GEN1: variants seen among roughly 807,000 people sequenced by gnomAD.
GEN1 encodes flap endonuclease GEN homolog 1.
In GEN1, 64 loss-of-function variants were observed where a neutral mutation model predicts 67.6. The ratio of observed to expected loss-of-function variants is 0.95; its 90% confidence interval spans 0.77 to 1.17. The LOEUF is 1.17. Among genes scored for constraint, GEN1 ranks in the 50% most tolerant of loss-of-function variants. The probability of loss-of-function intolerance (pLI) is 0.00; values close to 1 mark genes in which losing one functional copy is unlikely to be tolerated. For missense variants in GEN1, 1,058 were observed against 1,048.3 expected (o/e 1.01, Z -0.13); for synonymous variants, 371 against 359.4 (o/e 1.03, Z -0.37).
At chr2:17,760,503 A>G (rs1385391519) in intron 2 of GEN1, among the ~76,000 whole-genome samples, 1 of 152,136 alleles carries the variant, frequency 6.6e-6, no homozygotes, top group South Asian at 2.1e-4. Flanking sequence ...GTCTATGCCA[A>G]CCTCATCTCT....
At chr2:17,771,902 G>A (rs1288393968) in intron 7 of GEN1, among the ~76,000 whole-genome samples, 1 of 151,706 alleles carries the variant, frequency 6.6e-6, no homozygotes. Flanking sequence ...GCTATATCTA[G>A]TTGTCTTAAT....
At chr2:17,771,326 C>G (rs1365239682) in intron 7 of GEN1, 39 bp downstream of exon 7, 1 of 1,165,064 alleles carries the variant, frequency 8.6e-7, no homozygotes, top group Non-Finnish European at 1.3e-6. Flanking sequence ...TATCTCATAC[C>G]CATGTTTTAA....
Position 17,781,164 on chromosome 2 carries a change from C to T in GEN1, c.1952C>T (p.Ser651Phe). Residue 651 changes from serine (S) to phenylalanine (F), a missense_variant, in exon 14 of 14, where the codon TCT (serine) becomes TTT (phenylalanine). Physicochemically the swap from Ser to Phe is radical, Grantham distance 155. Coordinates refer to ENST00000381254, the MANE Select transcript of GEN1 (RefSeq NM_001130009.3). Reference sequence around the variant, plus strand: ...ATAAAGAAAGTGTTGGATGAGGATTCTGATGGGATTAGTCCTGAAGAGCAT... The same window carrying T: ...ATAAAGAAAGTGTTGGATGAGGATTTTGATGGGATTAGTCCTGAAGAGCAT... ...ANIKKVLDED[S>F]DGISPEEHLL... is the part of the protein sequence containing the mutation. 6.2e-7 allele frequency: 1 copy of T among 1,613,892 alleles called. No individual in the cohort carries two copies. The highest frequency in any genetic ancestry group is 8.5e-7 in the Non-Finnish European group (1 of 1,179,866).
Position 17,778,435 on chromosome 2 carries a change from T to C in GEN1, c.1264+372T>C, listed in dbSNP as rs868060887. Among the ~76,000 whole-genome samples the C allele has an allele frequency of 5.5e-5, 4 of 72,270 alleles. 2 individuals carry two copies. Among genetic ancestry groups the C allele is most frequent in the African/African-American group, 1.1e-4 (2 of 18,228 alleles). The allele number at this position is 72,270 out of a possible 152,430, so 47.4% of individuals were successfully genotyped here. On this transcript the variant is annotated intron_variant, in intron 12 of 13. Transcript: ENST00000381254. ...ATATATGTGTGTACATATATGTATATACACACACATATATGTGTGTACATA... is the reference window on the plus strand; with the variant it reads ...ATATATGTGTGTACATATATGTATACACACACACATATATGTGTGTACATA...
intron 7 of GEN1, among the ~76,000 whole-genome samples, chr2:17,772,172 C>T (rs1243070859): frequency 1.3e-5 from 2 of 152,136 alleles, no homozygotes; most frequent in African/African-American, 4.8e-5. Flanking sequence ...ATAACTGTAA[C>T]TGAGAGCTAG....
chr2:17,778,293 T>TGTGTACATATATGTATATACACACAC lies in GEN1; in HGVS notation c.1264+234_1264+235insACATATATGTATATACACACACGTGT, dbSNP rs1558409158. ...ACATATATGTATATACACACACATGTGTGTGTACATATATGTATATACACA... is the reference window on the plus strand; with the variant it reads ...ACATATATGTATATACACACACATGTGTGTACATATATGTATATACACACACGTGTGTACATATATGTATATACACA... On this transcript the variant is annotated intron_variant, in intron 12 of 13. Coordinates refer to ENST00000381254, the MANE Select transcript of GEN1 (RefSeq NM_001130009.3). Among the ~76,000 whole-genome samples the TGTGTACATATATGTATATACACACAC allele has an allele frequency of 2.8e-4, 34 of 122,790 alleles. 8 individuals carry two copies. Among genetic ancestry groups the TGTGTACATATATGTATATACACACAC allele is most frequent in the African/African-American group, 1.1e-3 (34 of 29,794 alleles). The allele number at this position is 122,790 out of a possible 152,430, so 80.6% of individuals were successfully genotyped here. A position where few individuals can be genotyped will look rare whatever the true frequency, so the allele number is the denominator to read the frequency against.
chr2:17,760,229 A>C, intron 2 of GEN1, 125 bp downstream of exon 2: 1 of 880,846 alleles, frequency 1.1e-6, no homozygotes, highest in Non-Finnish European at 1.7e-6. Flanking sequence ...TTTAAGATCT[A>C]TTTAACATGT....
rs1672806030 is a variant in GEN1 at position 17,781,064 on chromosome 2, C to CT, written c.1853dup (p.Ser619IlefsTer5). 1 of 1,613,572 alleles carries CT rather than the reference C, an allele frequency of 6.2e-7. No homozygotes were observed. ...TTTAAAATCAGAAGTTGAATCAGAG[C>CT]TATCAGCCATCCCTGATGGCTTTGA... On this transcript the variant is annotated frameshift_variant, in exon 14 of 14. Coordinates refer to ENST00000381254, the MANE Select transcript of GEN1 (RefSeq NM_001130009.3). LOFTEE classifies it low-confidence loss of function (END_TRUNC).
intron 6 of GEN1, among the ~76,000 whole-genome samples, chr2:17,769,766 A>G (rs1391641929): frequency 6.6e-6 from 1 of 152,212 alleles, no homozygotes; most frequent in Non-Finnish European, 1.5e-5. Flanking sequence ...TCAAAAACAC[A>G]TGAATTATAT....
Position 17,781,151 on chromosome 2 carries a change from T to G in GEN1, c.1939T>G (p.Leu647Val). 6.2e-7 allele frequency: 1 copy of G among 1,613,946 alleles called. No homozygotes were observed. The highest frequency in any genetic ancestry group is 8.5e-7 in the Non-Finnish European group (1 of 1,179,900). The change falls in exon 14 of 14, where the codon TTG becomes GTG. Residue 647 changes from leucine to valine, a missense_variant. By Grantham distance (32) the Leu-to-Val change is conservative. Coordinates refer to ENST00000381254, the MANE Select transcript of GEN1 (RefSeq NM_001130009.3). ...GTACACTGCAAACATAAAGAAAGTG[T>G]TGGATGAGGATTCTGATGGGATTAG... ...ERYTANIKKVLDEDSDGISPE... is the reference protein window; with the variant it reads ...ERYTANIKKVVDEDSDGISPE...
Position 17,778,255 on chromosome 2 carries a change from CACATATGTGTGTACATATATGTATAT to C in GEN1, c.1264+196_1264+221del, listed in dbSNP as rs1558408924. On this transcript the variant is annotated intron_variant, in intron 12 of 13. Transcript: ENST00000381254. ...ATATGTGTGTACATATATGTATACA[CACATATGTGTGTACATATATGTATAT>C]ACACACACATGTGTGTGTACATATA... Among the ~76,000 whole-genome samples the C allele has an allele frequency of 7.3e-5, 9 of 122,526 alleles. 2 individuals carry two copies. The highest frequency in any genetic ancestry group is 2.9e-4 in the African/African-American group (9 of 30,772). The allele number at this position is 122,526 out of a possible 152,430, so 80.4% of individuals were successfully genotyped here.
chr2:17,781,511 A>G lies in GEN1; in HGVS notation c.2299A>G (p.Asn767Asp). The G allele has an allele frequency of 6.2e-7, 1 of 1,613,712 alleles. No individual in the cohort carries two copies. Among genetic ancestry groups the G allele is most frequent in the Non-Finnish European group, 8.5e-7 (1 of 1,179,966 alleles). Reference sequence around the variant, plus strand: ...CAGTAACACAGTGGTAAAGACCTGCAATGTTAGACCACCAAATACTGCTTT... The same window carrying G: ...CAGTAACACAGTGGTAAAGACCTGCGATGTTAGACCACCAAATACTGCTTT... Reference protein sequence around the residue: ...SVSNTVVKTCNVRPPNTALDH... With the variant: ...SVSNTVVKTCDVRPPNTALDH... Residue 767 changes from asparagine to aspartate, a missense_variant, in exon 14 of 14, where the codon AAT becomes GAT. Transcript: ENST00000381254.
rs199991451 is a variant in GEN1, at chr2:17,771,272, G to T, written c.787G>T (p.Val263Leu). 1.3e-6 allele frequency: 2 copies of T among 1,597,358 alleles called. No individual in the cohort carries two copies. The highest frequency in any genetic ancestry group is 8.6e-7 in the Non-Finnish European group (1 of 1,165,254). ...CACTAAAAAACTGGCTCATTGTTCCGTATGTTCCCATCCAGGTAAGGAGAC... is the reference window on the plus strand; with the variant it reads ...CACTAAAAAACTGGCTCATTGTTCCTTATGTTCCCATCCAGGTAAGGAGAC... ...LVTKKLAHCSVCSHPGSPKDH... is the reference protein window; with the variant it reads ...LVTKKLAHCSLCSHPGSPKDH... The change falls in exon 7 of 14, where the codon GTA becomes TTA. Residue 263 changes from valine (V) to leucine (L), a missense_variant. Val to Leu is a conservative substitution (Grantham distance 32). Transcript: ENST00000381254.
chr2:17,764,877 C>G lies in GEN1; in HGVS notation c.349-20C>G. On this transcript the variant is annotated intron_variant, in intron 3 of 13. Coordinates refer to ENST00000381254, the MANE Select transcript of GEN1 (RefSeq NM_001130009.3). ...AGTGAAAACATTCTTTAACATCTTG[C>G]ACCTGCTTTTTGTTTTCAGTGCCTC... 6.2e-7 allele frequency: 1 copy of G among 1,605,092 alleles called. No homozygotes were observed. Among genetic ancestry groups the G allele is most frequent in the South Asian group, 1.1e-5 (1 of 89,732 alleles).
chr2:17,768,906 G>T, intron 6 of GEN1, 95 bp downstream of exon 6: 1 of 662,354 alleles, frequency 1.5e-6, no homozygotes, highest in Non-Finnish European at 2.5e-6. Context: ...TCCAAAAAAG[G>T]GTTTTGTATT....
rs1266096407 is a variant in GEN1 at position 17,781,946 on chromosome 2, A to G, written c.*7A>G. 6.9e-7 allele frequency: 1 copy of G among 1,453,278 alleles called. No individual in the cohort carries two copies. Among genetic ancestry groups the G allele is most frequent in the African/African-American group, 1.4e-5 (1 of 70,074 alleles). The allele number at this position is 1,453,278 out of a possible 1,614,324, so 90.0% of individuals were successfully genotyped here. On this transcript the variant is annotated 3_prime_UTR_variant, in exon 14 of 14. Coordinates refer to ENST00000381254, the MANE Select transcript of GEN1 (RefSeq NM_001130009.3). ...AAGATTCCAAAGCACTTGAAATTTA[A>G]AACACTTAGGTATAACTTAACTATT...
intron 4 of GEN1, among the ~76,000 whole-genome samples, chr2:17,765,799 T>C (rs1409262084): frequency 1.3e-5 from 2 of 152,208 alleles, no homozygotes; most frequent in Admixed American, 6.5e-5. Context: ...AAATAGTATT[T>C]TTATATAATC....
At chr2:17,761,352 A>T (rs935106687) in intron 2 of GEN1, 44 bp from the exon 3 acceptor site, 25 of 1,062,570 alleles carry the variant, frequency 2.4e-5, no homozygotes, top group Non-Finnish European at 3.5e-5. Context: ...GACTTTTACT[A>T]TCAGTGTTTG....
intron 1 of GEN1, chr2:17,755,377 A>G (rs902830187): frequency 1.3e-5 from 2 of 152,224 alleles, no homozygotes; most frequent in Admixed American, 1.3e-4. Context: ...AGGTCTTTAA[A>G]TGCAGGGCTT....
Sources: allele counts gnomAD v4.1 joint callset (sites outside exome capture counted in the v4.1 genomes callset), GRCh38; gene constraint gnomAD v4.1.1; transcripts MANE v1.5; gene names NCBI Gene and HGNC (gene_info 2026-07-23, HGNC 2026-07-21).